BDP1: variants seen among roughly 807,000 people sequenced by gnomAD.
BDP1 encodes the protein BDP1 general transcription factor IIIB subunit.
In BDP1, 169 loss-of-function variants were observed where a neutral mutation model predicts 266.6. The ratio of observed to expected loss-of-function variants is 0.63; its 90% confidence interval spans 0.56 to 0.72. The LOEUF is 0.72. Ranked by LOEUF, BDP1 falls within the 30% of genes least tolerant of loss-of-function variation. BDP1 has a pLI of 0.00. For synonymous variants in BDP1, 1,090 were observed against 1,022.4 expected, an observed-to-expected ratio of 1.07 and a Z score of -1.26; for missense variants, 3,015 against 3,053.8, an observed-to-expected ratio of 0.99 and a Z score of 0.30.
At chr5:71,496,986 T>C (rs1210861725) in intron 12 of BDP1, among the ~76,000 whole-genome samples, 1 of 152,242 alleles carries the variant, frequency 6.6e-6, no homozygotes, top group African/African-American at 2.4e-5. Flanking sequence ...CTACCTTCAA[T>C]ATATACCAAA....
At position 71,565,151 on chromosome 5, in the gene BDP1, T is replaced by C; in HGVS notation, c.*266T>C. On this transcript the variant is annotated 3_prime_UTR_variant, in exon 39 of 39. Transcript: ENST00000358731. ...AGAAATAACAACTCTTGTTTACATT[T>C]TGACTCTTCCTGTGCTAAGCACACA... is the stretch of plus-strand genomic sequence containing the variant. 1 of 363,064 alleles carries C rather than the reference T, an allele frequency of 2.8e-6. No homozygotes were observed. The highest frequency in any genetic ancestry group is 5.0e-6 in the Non-Finnish European group (1 of 201,410). The allele number at this position is 363,064 out of a possible 1,614,324, so 22.5% of individuals were successfully genotyped here.
chr5:71,577,854 G>A, the BDP1 span, among the ~76,000 whole-genome samples: 1 of 152,152 alleles, frequency 6.6e-6, no homozygotes, highest in Admixed American at 6.5e-5. Flanking sequence ...ACTGCCAATC[G>A]GAGAATGAAA....
At chr5:71,521,925 A>C (rs1374273947) in intron 22 of BDP1, among the ~76,000 whole-genome samples, 2 of 150,278 alleles carry the variant, frequency 1.3e-5, no homozygotes, top group Non-Finnish European at 3.0e-5. Context: ...CATGTGTTTA[A>C]AGTGCCATTA....
At chr5:71,519,512 C>T (rs1028254739) in intron 22 of BDP1, among the ~76,000 whole-genome samples, 1 of 152,170 alleles carries the variant, frequency 6.6e-6, no homozygotes, top group Non-Finnish European at 1.5e-5. Context: ...TCCCTACCTC[C>T]ATGAGATCCA....
intron 13 of BDP1, among the ~76,000 whole-genome samples, chr5:71,497,889 A>G (rs1415511233): frequency 2.0e-5 from 3 of 152,182 alleles, no homozygotes; most frequent in Admixed American, 6.5e-5. Context: ...CCTGAGCTCA[A>G]GTGATTCTCC....
intron 34 of BDP1, among the ~76,000 whole-genome samples, chr5:71,552,245 C>T (rs941700078): frequency 6.6e-6 from 1 of 150,730 alleles, no homozygotes; most frequent in African/African-American, 2.4e-5. Flanking sequence ...GAGGCGCCCC[C>T]CACATCTCAG....
intron 7 of BDP1, among the ~76,000 whole-genome samples, chr5:71,480,229 G>A (rs577275198): frequency 6.7e-6 from 1 of 149,538 alleles, no homozygotes; most frequent in Non-Finnish European, 1.5e-5. Flanking sequence ...TCCTGCCTCA[G>A]CTTCCCAAGT....
chr5:71,545,638 C>T (rs1247201542), intron 32 of BDP1, among the ~76,000 whole-genome samples: 1 of 152,128 alleles, frequency 6.6e-6, no homozygotes, highest in Non-Finnish European at 1.5e-5. Flanking sequence ...GCTAACTTCA[C>T]CCTTTTTAGT....
intron 9 of BDP1, among the ~76,000 whole-genome samples, chr5:71,488,033 C>CT (rs961113328): frequency 6.0e-4 from 90 of 149,470 alleles, no homozygotes; most frequent in African/African-American, 2.0e-3. Flanking sequence ...TCTTAGTAGT[C>CT]TTTTTTTTTT....
intron 34 of BDP1, among the ~76,000 whole-genome samples, chr5:71,551,623 G>A (rs1561782415): frequency 6.6e-6 from 1 of 152,210 alleles, no homozygotes; most frequent in Non-Finnish European, 1.5e-5. Context: ...TGAGCCGCTG[G>A]GCACACCTCC....
chr5:71,522,529 CA>C, intron 23 of BDP1, 39 bp downstream of exon 23: 1 of 1,485,464 alleles, frequency 6.7e-7, no homozygotes, highest in Non-Finnish European at 9.2e-7. Flanking sequence ...TTTTTTTTCT[CA>C]ATGAGGTCTG....
At chr5:71,548,526 A>G (rs951145681) in intron 32 of BDP1, among the ~76,000 whole-genome samples, 156 bp from the exon 33 acceptor site, 1 of 152,242 alleles carries the variant, frequency 6.6e-6, no homozygotes, top group Non-Finnish European at 1.5e-5. Flanking sequence ...ATGAATCAAA[A>G]GTTTATTGGA....
rs1765306483 is a variant in BDP1, at chr5:71,517,970, GCTATAAAGTATACTTAACAGTATA to G, written c.4991+524_4991+547del. Among the ~76,000 whole-genome samples, 3 of 152,140 alleles carry G rather than the reference GCTATAAAGTATACTTAACAGTATA, an allele frequency of 2.0e-5. No homozygotes were observed. The South Asian group carries it at 6.2e-4, about 31-fold the overall frequency. On this transcript the variant is annotated intron_variant, in intron 22 of 38. Transcript: ENST00000358731. ...TGACTAAAATTCATTAATAGGTAGT[GCTATAAAGTATACTTAACAGTATA>G]CTATATTTAGAGGTAACTACATCGA...
At chr5:71,495,069 G>C (rs979230128) in intron 11 of BDP1, 181 bp from the exon 12 acceptor site, 20 of 388,268 alleles carry the variant, frequency 5.2e-5, no homozygotes, top group African/African-American at 4.1e-4. Context: ...TGGAGGTACA[G>C]TTTTTATAAC....
chr5:71,475,082 CTTTAT>C (rs1269471141), intron 7 of BDP1, among the ~76,000 whole-genome samples: 5 of 152,128 alleles, frequency 3.3e-5, no homozygotes, highest in Middle Eastern at 3.4e-3. Context: ...CTTAAATGTA[CTTTAT>C]TTTAATTTTT....
chr5:71,556,426 T>C (rs1207260248), intron 35 of BDP1, among the ~76,000 whole-genome samples: 1 of 152,212 alleles, frequency 6.6e-6, no homozygotes, highest in Admixed American at 6.5e-5. Flanking sequence ...AATAGTTATA[T>C]TTTATAGTGT....
Position 71,456,086 on chromosome 5 carries a change from G to A in BDP1, c.209G>A (p.Ser70Asn), listed in dbSNP as rs754974826. The A allele has an allele frequency of 3.7e-6, 6 of 1,612,706 alleles. No homozygotes were observed. The Admixed American group carries it at 6.7e-5, about 18-fold the overall frequency. Reference sequence around the variant, plus strand: ...GAGCCCCAAGAAAAGGCTCCTAGGAGCAGGTAAGAGGTTGCAGAGGGAAGA... The same window carrying A: ...GAGCCCCAAGAAAAGGCTCCTAGGAACAGGTAAGAGGTTGCAGAGGGAAGA... ...GAEPQEKAPR[S>N]STEKTGGDND... The change falls in exon 1 of 39, where the codon AGC becomes AAC. Residue 70 changes from serine to asparagine, a missense_variant. Around this residue, in one of 3 missense-constraint regions of BDP1, gnomAD observed 2,383 missense variants for 2,404.9 expected, o/e 0.99. Coordinates refer to ENST00000358731, the MANE Select transcript of BDP1 (RefSeq NM_018429.3).
chr5:71,468,394 A>T (rs1342217855), intron 6 of BDP1, among the ~76,000 whole-genome samples: 1 of 151,202 alleles, frequency 6.6e-6, no homozygotes, highest in East Asian at 1.9e-4. Flanking sequence ...GGCTCAAGCG[A>T]TCCTTTGCCT....
intron 30 of BDP1, among the ~76,000 whole-genome samples, chr5:71,544,031 C>T (rs1396540235): frequency 6.6e-6 from 1 of 152,218 alleles, no homozygotes; most frequent in African/African-American, 2.4e-5. Context: ...GTGGAACTAG[C>T]CCAACCTCGG....
Sources: gnomAD v4.1 joint callset for allele counts (sites outside exome capture counted in the v4.1 genomes callset) on GRCh38, gnomAD v4.1.1 for gene constraint, gnomAD v4.1.1 regional missense constraint, MANE v1.5 for transcripts, NCBI Gene and HGNC (gene_info 2026-07-23, HGNC 2026-07-21) for gene names.